The following VAV1 variants were observed in gnomAD, a reference collection of about 807,000 sequenced individuals.
The protein encoded by VAV1 is proto-oncogene vav.
A neutral mutation model predicts 128.1 loss-of-function variants in VAV1; 33 were observed. That is an observed-to-expected ratio of 0.26 (90% CI 0.20 to 0.34). VAV1 has a LOEUF of 0.34. VAV1 is among the 10% of genes least tolerant of loss of function. The probability of loss-of-function intolerance (pLI) is 1.00; values close to 1 mark genes in which losing one functional copy is unlikely to be tolerated. For missense variants in VAV1, 715 were observed against 1,093.7 expected, an observed-to-expected ratio of 0.65 and a Z score of 4.88; for synonymous variants, 394 against 409.8, an observed-to-expected ratio of 0.96 and a Z score of 0.47.
chr19:6,795,381 A>T (rs563444541), intron 1 of VAV1, among the ~76,000 whole-genome samples: 1 of 152,296 alleles, frequency 6.6e-6, no homozygotes, highest in Admixed American at 6.5e-5. Flanking sequence ...CTCGCGAAAT[A>T]GGAGCCCTAC....
chr19:6,831,158 C>T (rs144765873), intron 14 of VAV1, among the ~76,000 whole-genome samples: 53 of 152,212 alleles, frequency 3.5e-4, no homozygotes, highest in African/African-American at 1.2e-3. Flanking sequence ...TATCTTACCT[C>T]CATTGTTCAG....
At chr19:6,781,668 C>T (rs1278618820) in intron 1 of VAV1, among the ~76,000 whole-genome samples, 2 of 149,782 alleles carry the variant, frequency 1.3e-5, no homozygotes, top group African/African-American at 4.9e-5. Context: ...AGTGTAGTGG[C>T]GCAATCTCAG....
intron 1 of VAV1, among the ~76,000 whole-genome samples, chr19:6,814,455 G>C (rs527373082): frequency 2.4e-4 from 36 of 151,284 alleles, no homozygotes; most frequent in Non-Finnish European, 4.3e-4. Flanking sequence ...TTTTTAATTT[G>C]TGAGTTATTT....
chr19:6,802,662 C>T (rs1440901356), intron 1 of VAV1, among the ~76,000 whole-genome samples: 2 of 152,148 alleles, frequency 1.3e-5, no homozygotes, highest in African/African-American at 2.4e-5. Flanking sequence ...TGCCCATGAG[C>T]GCCCTCATTA....
At chr19:6,840,693 C>T in intron 21 of VAV1, among the ~76,000 whole-genome samples, 1 of 149,526 alleles carries the variant, frequency 6.7e-6, no homozygotes, top group East Asian at 2.0e-4. Context: ...CAGACTCGAC[C>T]CCCTAAGCTT....
At position 6,828,061 on chromosome 19, in the gene VAV1, T is replaced by C; in HGVS notation, c.928-15T>C. ...GGACCTGCCTCAGTTTCCCCATTGT[T>C]CTCTGATTCCCCAGGAATGTTCTCA... On this transcript the variant is annotated splice_polypyrimidine_tract_variant and intron_variant, in intron 9 of 26. Coordinates refer to ENST00000602142, the MANE Select transcript of VAV1 (RefSeq NM_005428.4). This position sits in a 1 kb window ranked among gnomAD's most constrained non-coding sequence, Gnocchi z 4.5. 6.2e-7 allele frequency: 1 copy of C among 1,613,596 alleles called. No homozygotes were observed.
chr19:6,784,746 G>A (rs542494394), intron 1 of VAV1, among the ~76,000 whole-genome samples: 67 of 151,756 alleles, frequency 4.4e-4, no homozygotes, highest in Non-Finnish European at 6.3e-4. Flanking sequence ...TACCCGCCTC[G>A]GCCTCCCAAA....
intron 24 of VAV1, among the ~76,000 whole-genome samples, chr19:6,852,006 A>G (rs1972682216): frequency 6.6e-6 from 1 of 152,008 alleles, no homozygotes; most frequent in Non-Finnish European, 1.5e-5. Context: ...AACCTTTCAT[A>G]TAGGTTTACT....
intron 22 of VAV1, among the ~76,000 whole-genome samples, chr19:6,844,691 C>T (rs1972473417): frequency 6.6e-6 from 1 of 152,102 alleles, no homozygotes; most frequent in Non-Finnish European, 1.5e-5. Context: ...GGATTTGAAT[C>T]GTGCTCTCCT....
Position 6,779,100 on chromosome 19 carries a change from G to A in VAV1, c.204+6089G>A, listed in dbSNP as rs901165673. ...AGGGTCTCAATCTGTCACCCAAGCT[G>A]GAGTATAGTGGTATGATCACAGCTC... On this transcript the variant is annotated intron_variant, in intron 1 of 26. Coordinates refer to ENST00000602142, the MANE Select transcript of VAV1 (RefSeq NM_005428.4). Among the ~76,000 whole-genome samples, 27 of 145,750 alleles carry A rather than the reference G, an allele frequency of 1.9e-4. 3 individuals carry two copies. The highest frequency in any genetic ancestry group is 3.4e-4 in the Non-Finnish European group (23 of 66,842).
At chr19:6,817,000 T>C (rs975538019) in intron 1 of VAV1, among the ~76,000 whole-genome samples, 1 of 151,952 alleles carries the variant, frequency 6.6e-6, no homozygotes, top group African/African-American at 2.4e-5. Context: ...GTTATGAGAA[T>C]GGAGTTAATC....
intron 1 of VAV1, among the ~76,000 whole-genome samples, chr19:6,792,933 G>C (rs898935572): frequency 2.0e-4 from 31 of 152,144 alleles, no homozygotes; most frequent in African/African-American, 7.5e-4. Context: ...CAACAGCGCT[G>C]AGACCGAGGG....
chr19:6,797,743 TA>T (rs530435791), intron 1 of VAV1, among the ~76,000 whole-genome samples: 1,678 of 89,924 alleles, frequency 0.019, 20 homozygotes, highest in East Asian at 0.083. Flanking sequence ...AAACTCCGTC[TA>T]AAAAAAAAAA....
intron 1 of VAV1, among the ~76,000 whole-genome samples, chr19:6,799,895 C>T (rs1463664783): frequency 6.7e-6 from 1 of 150,314 alleles, no homozygotes; most frequent in Non-Finnish European, 1.5e-5. Context: ...AATCAAGCTG[C>T]TATGAACATT....
At chr19:6,786,566 T>G (rs1970898456) in intron 1 of VAV1, among the ~76,000 whole-genome samples, 1 of 152,140 alleles carries the variant, frequency 6.6e-6, no homozygotes, top group Non-Finnish European at 1.5e-5. Flanking sequence ...GAGGATCACT[T>G]GAGCCCAAAA....
intron 1 of VAV1, among the ~76,000 whole-genome samples, chr19:6,787,142 G>A (rs1970911466): frequency 6.6e-6 from 1 of 150,644 alleles, no homozygotes; most frequent in Admixed American, 6.6e-5. Context: ...CCCACCCTTG[G>A]TCTTTCCATC....
At chr19:6,844,225 AAC>A in intron 22 of VAV1, among the ~76,000 whole-genome samples, 1 of 151,276 alleles carries the variant, frequency 6.6e-6, no homozygotes, top group South Asian at 2.1e-4. Context: ...CTAGTAATAA[AAC>A]ACAGCATGAT....
intron 14 of VAV1, among the ~76,000 whole-genome samples, chr19:6,831,037 A>T (rs911056168): frequency 6.6e-6 from 1 of 152,214 alleles, no homozygotes; most frequent in African/African-American, 2.4e-5. Flanking sequence ...GGCTGCAGAG[A>T]GCTATGATTG....
intron 19 of VAV1, 128 bp downstream of exon 19, chr19:6,834,081 A>G (rs969509462): frequency 3.0e-6 from 4 of 1,348,800 alleles, no homozygotes; most frequent in Non-Finnish European, 4.1e-6. Flanking sequence ...TCACACCTGT[A>G]ATCCCAACAA....
Sources: allele counts gnomAD v4.1 joint callset (sites outside exome capture counted in the v4.1 genomes callset), GRCh38; gene constraint gnomAD v4.1.1; non-coding constraint Gnocchi (gnomAD v3.1); transcripts MANE v1.5; gene names NCBI Gene and HGNC (gene_info 2026-07-23, HGNC 2026-07-21).